Variants in SPECC1 observed in about 807,000 individuals in gnomAD.
The protein encoded by SPECC1 is sperm antigen with calponin homology and coiled-coil domains 1, also known as cytospin-B.
In SPECC1, 62 loss-of-function variants were observed where a neutral mutation model predicts 104.1. The ratio of observed to expected loss-of-function variants is 0.60; its 90% confidence interval spans 0.49 to 0.74. SPECC1 has a LOEUF of 0.74. Among genes scored for constraint, SPECC1 ranks in the 30% least tolerant of loss-of-function variants. SPECC1 has a pLI of 0.00. For synonymous variants in SPECC1, 513 were observed against 501.6 expected (o/e 1.02, Z -0.30); for missense variants, 1,306 against 1,310.5 (o/e 1.00, Z 0.05).
At chr17:20,036,973 A>G (rs1248108911) in intron 1 of SPECC1, among the ~76,000 whole-genome samples, 1 of 152,206 alleles carries the variant, frequency 6.6e-6, no homozygotes, top group Non-Finnish European at 1.5e-5. Flanking sequence ...TATCAAGTCA[A>G]GGAATTTCCC....
chr17:20,108,788 A>G (rs1452867723), intron 2 of SPECC1, among the ~76,000 whole-genome samples: 1 of 152,202 alleles, frequency 6.6e-6, no homozygotes, highest in Non-Finnish European at 1.5e-5. Flanking sequence ...GGACCTATGT[A>G]CTTGCTTCTC....
intron 1 of SPECC1, among the ~76,000 whole-genome samples, chr17:20,027,941 T>G (rs1371775579): frequency 6.6e-6 from 1 of 152,234 alleles, no homozygotes; most frequent in Non-Finnish European, 1.5e-5. Context: ...TTACCCTATT[T>G]TACCTTAGTT....
At chr17:20,242,425 A>G (rs1210879515) in intron 7 of SPECC1, among the ~76,000 whole-genome samples, 1 of 152,240 alleles carries the variant, frequency 6.6e-6, no homozygotes, top group Non-Finnish European at 1.5e-5. Flanking sequence ...CCATGGAGAC[A>G]CTGTCTGCTT....
At chr17:20,179,689 C>T (rs1012059586) in intron 3 of SPECC1, among the ~76,000 whole-genome samples, 17 of 152,178 alleles carry the variant, frequency 1.1e-4, no homozygotes, top group African/African-American at 4.1e-4. Context: ...ATTCATCCAT[C>T]TCATTTGAAC....
At chr17:20,070,150 G>A (rs1025657204) in intron 1 of SPECC1, among the ~76,000 whole-genome samples, 1 of 152,072 alleles carries the variant, frequency 6.6e-6, no homozygotes, top group Admixed American at 6.6e-5. Flanking sequence ...GTATAATGTT[G>A]ACAAGAAGTG....
intron 1 of SPECC1, among the ~76,000 whole-genome samples, chr17:20,077,283 AGTTTTTCCAATATCATTTAT>A (rs1264305544): frequency 1.3e-5 from 2 of 152,156 alleles, no homozygotes; most frequent in Non-Finnish European, 2.9e-5. Context: ...AATGCTAACC[AGTTTTTCCAATATCATTTAT>A]GAGCAACTCT....
chr17:20,040,980 A>G (rs573503783), intron 1 of SPECC1, among the ~76,000 whole-genome samples: 41 of 151,920 alleles, frequency 2.7e-4, no homozygotes, highest in Admixed American at 1.1e-3. Flanking sequence ...GAGGTCTTTG[A>G]GACTTTCTCC....
chr17:20,132,889 G>A (rs914331206), intron 3 of SPECC1, among the ~76,000 whole-genome samples: 2 of 151,802 alleles, frequency 1.3e-5, no homozygotes, highest in Non-Finnish European at 2.9e-5. Flanking sequence ...ACAGGCGCCC[G>A]CCACCATGCC....
At chr17:20,287,199 T>C (rs756744090) in intron 12 of SPECC1, among the ~76,000 whole-genome samples, 164 of 152,096 alleles carry the variant, frequency 1.1e-3, no homozygotes, top group Middle Eastern at 6.8e-3. Context: ...GGGTGGATCA[T>C]GAGGTCAGGA....
chr17:20,138,869 TC>T (rs1242325732), intron 3 of SPECC1, among the ~76,000 whole-genome samples: 1 of 152,200 alleles, frequency 6.6e-6, no homozygotes, highest in African/African-American at 2.4e-5. Flanking sequence ...TGTTTTTTTC[TC>T]CCCAAGTTAC....
intron 14 of SPECC1, among the ~76,000 whole-genome samples, chr17:20,312,977 G>C (rs1173417576): frequency 6.6e-6 from 1 of 152,084 alleles, no homozygotes; most frequent in South Asian, 2.1e-4. Context: ...TCTGCTTCTG[G>C]CTTTACATCA....
At chr17:20,099,630 G>A (rs1450154008) in intron 2 of SPECC1, among the ~76,000 whole-genome samples, 1 of 147,008 alleles carries the variant, frequency 6.8e-6, no homozygotes, top group Non-Finnish European at 1.5e-5. Flanking sequence ...GGGAGGCGGA[G>A]GTTGCAGTCA....
At chr17:20,278,202 A>T (rs919718953) in intron 12 of SPECC1, among the ~76,000 whole-genome samples, 1 of 152,104 alleles carries the variant, frequency 6.6e-6, no homozygotes, top group African/African-American at 2.4e-5. Context: ...TACCTGAAAA[A>T]CGGGAAGATT....
chr17:20,268,557 A>G (rs539425025), intron 12 of SPECC1, among the ~76,000 whole-genome samples: 3 of 152,236 alleles, frequency 2.0e-5, no homozygotes, highest in Non-Finnish European at 4.4e-5. Context: ...ATTTACTGCC[A>G]TCAGAGTGGT....
At chr17:20,161,076 T>C (rs1345109456) in intron 3 of SPECC1, among the ~76,000 whole-genome samples, 2 of 152,284 alleles carry the variant, frequency 1.3e-5, no homozygotes, top group Non-Finnish European at 2.9e-5. Context: ...TCGAGTGCGG[T>C]GGTGGGCACC....
intron 3 of SPECC1, among the ~76,000 whole-genome samples, chr17:20,118,112 A>G (rs564711469): frequency 7.1e-6 from 1 of 140,818 alleles, no homozygotes; most frequent in Non-Finnish European, 1.5e-5. Context: ...CACAATAAAT[A>G]AATAATAAAT....
At chr17:20,218,524 AG>A (rs778444587) in intron 4 of SPECC1, among the ~76,000 whole-genome samples, 7 of 152,222 alleles carry the variant, frequency 4.6e-5, no homozygotes, top group Non-Finnish European at 5.9e-5. Context: ...TTCACAGAGC[AG>A]TGCTGACCCC....
intron 3 of SPECC1, among the ~76,000 whole-genome samples, chr17:20,144,507 C>T (rs1427960470): frequency 6.6e-6 from 1 of 151,938 alleles, no homozygotes. Context: ...GTTAACATGA[C>T]CCCATTGGTA....
intron 12 of SPECC1, among the ~76,000 whole-genome samples, chr17:20,267,192 G>A (rs1208964767): frequency 3.9e-5 from 6 of 152,076 alleles, no homozygotes; most frequent in Non-Finnish European, 7.4e-5. Context: ...TGTCTTTTTG[G>A]AATAAGTCAC....
Sources: allele counts gnomAD v4.1 joint callset (sites outside exome capture counted in the v4.1 genomes callset), GRCh38; gene constraint gnomAD v4.1.1; transcripts MANE v1.5; gene names NCBI Gene and HGNC (gene_info 2026-07-23, HGNC 2026-07-21).